The following INTS3 variants were observed in gnomAD, a reference collection of about 807,000 sequenced individuals.
The protein encoded by INTS3 is integrator complex subunit 3, also known as SOSS complex subunit A.
A neutral mutation model predicts 146.3 loss-of-function variants in INTS3; 34 were observed. The ratio of observed to expected loss-of-function variants is 0.23; its 90% CI spans 0.18 to 0.31. The LOEUF is 0.31. Among genes scored for constraint, INTS3 ranks in the 10% least tolerant of loss-of-function variants. The pLI, the probability that INTS3 is intolerant of heterozygous loss-of-function variation, is 1.00. For synonymous variants in INTS3, 475 were observed against 494.9 expected (o/e 0.96, Z 0.53); for missense variants, 757 against 1,304.2 (o/e 0.58, Z 6.46).
In INTS3 at chr1:153,772,313, A is replaced by C; in HGVS notation, c.2721-27A>C. ...CACTCTGGAACCCTCCCACACTCAG[A>C]CTCTGGCTCTGGTGATTCCTGCACA... On this transcript the variant is annotated intron_variant, in intron 26 of 29. Coordinates refer to ENST00000318967, the MANE Select transcript of INTS3 (RefSeq NM_023015.5). This position sits in a 1 kb window ranked among gnomAD's most constrained non-coding sequence, Gnocchi z 4.6. The C allele has an allele frequency of 6.2e-7, 1 of 1,608,720 alleles. No homozygotes were observed. The highest frequency in any genetic ancestry group is 8.5e-7 in the Non-Finnish European group (1 of 1,176,560).
intron 1 of INTS3, among the ~76,000 whole-genome samples, chr1:153,733,072 A>AC (rs1456078129): frequency 6.7e-6 from 1 of 148,214 alleles, no homozygotes; most frequent in Non-Finnish European, 1.5e-5. Context: ...CGAACTCCTG[A>AC]CCTCATGATC....
chr1:153,769,093 G>T (rs974548157), intron 22 of INTS3, 132 bp downstream of exon 22: 4 of 721,774 alleles, frequency 5.5e-6, no homozygotes, highest in African/African-American at 5.3e-5. Context: ...GGCTACAGTG[G>T]TGTGCGCTTT....
chr1:153,731,937 TC>T (rs1247420527), intron 1 of INTS3, among the ~76,000 whole-genome samples: 1 of 114,144 alleles, frequency 8.8e-6, no homozygotes, highest in East Asian at 2.9e-4. Flanking sequence ...AGACAGAGTC[TC>T]CCTCTGTCGC....
chr1:153,761,988 C>T (rs1362360061), intron 14 of INTS3, among the ~76,000 whole-genome samples: 1 of 152,220 alleles, frequency 6.6e-6, no homozygotes, highest in Admixed American at 6.5e-5. Context: ...CTTTAACTTG[C>T]CCATCTCTCT....
intron 24 of INTS3, 59 bp from the exon 25 acceptor site, chr1:153,770,626 C>A (rs976045893): frequency 1.5e-5 from 21 of 1,428,846 alleles, no homozygotes; most frequent in Non-Finnish European, 1.9e-5. Context: ...AGAGAGGTCC[C>A]CAGATTCCAT....
At chr1:153,758,229 G>A (rs998144761) in intron 10 of INTS3, among the ~76,000 whole-genome samples, 2 of 152,178 alleles carry the variant, frequency 1.3e-5, no homozygotes, top group African/African-American at 4.8e-5. Context: ...GCCTAGGGTG[G>A]GAAACTATCC....
In INTS3 at chr1:153,773,305, T is replaced by C; in HGVS notation, c.*35T>C. On this transcript the variant is annotated 3_prime_UTR_variant, in exon 30 of 30. Transcript: ENST00000318967. The stretch of plus-strand genomic sequence containing the variant: ...TTCCCCATCCCACCCCCGGCTGGAC[T>C]GCCCTCTCCTTCTTGGTGATTCAAA... The C allele has an allele frequency of 6.4e-7, 1 of 1,569,442 alleles. No individual in the cohort carries two copies. Among genetic ancestry groups the C allele is most frequent in the Non-Finnish European group, 8.8e-7 (1 of 1,139,254 alleles).
chr1:153,735,572 T>C (rs937959097), intron 1 of INTS3, among the ~76,000 whole-genome samples: 2 of 152,208 alleles, frequency 1.3e-5, no homozygotes, highest in African/African-American at 4.8e-5. Flanking sequence ...AATTTTAGAA[T>C]GCTGTGCCAC....
At chr1:153,731,710 C>T (rs1033399287) in intron 1 of INTS3, among the ~76,000 whole-genome samples, 3 of 144,050 alleles carry the variant, frequency 2.1e-5, no homozygotes, top group Admixed American at 7.0e-5. Flanking sequence ...CTCAGCCTCC[C>T]GAGTAGCTGA....
chr1:153,758,773 G>A (rs1254813124), intron 10 of INTS3, among the ~76,000 whole-genome samples: 2 of 151,036 alleles, frequency 1.3e-5, no homozygotes, highest in Non-Finnish European at 3.0e-5. Context: ...ACTCCAGCCT[G>A]GGTGACAGAG....
At chr1:153,731,088 G>T (rs1382080368) in intron 1 of INTS3, among the ~76,000 whole-genome samples, 1 of 152,124 alleles carries the variant, frequency 6.6e-6, no homozygotes, top group African/African-American at 2.4e-5. Context: ...TGTGTGCTGG[G>T]TCTGATAGGA....
intron 3 of INTS3, among the ~76,000 whole-genome samples, chr1:153,746,342 G>A (rs540382184): frequency 6.6e-6 from 1 of 152,310 alleles, no homozygotes; most frequent in East Asian, 1.9e-4. Context: ...TCCTAAGATG[G>A]GAAGTGGGGG....
chr1:153,764,786 G>A (rs1474601637), intron 19 of INTS3, 52 bp downstream of exon 19: 2 of 1,527,112 alleles, frequency 1.3e-6, no homozygotes, highest in Non-Finnish European at 1.8e-6. Context: ...CTCCCTGACA[G>A]CACACACATG....
Position 153,731,928 on chromosome 1 carries a change from G to T in INTS3, c.150+3144G>T, listed in dbSNP as rs562532568. 8.3e-3 allele frequency among the ~76,000 whole-genome samples: 623 copies of T among 74,978 alleles called. 4 individuals are homozygous for T. Among genetic ancestry groups the T allele is most frequent in the South Asian group, 0.018 (39 of 2,202 alleles). 49.2% of individuals were successfully genotyped at this position (74,978 alleles called of 152,430 possible). A position where few individuals can be genotyped will look rare whatever the true frequency, so the allele number is the denominator to read the frequency against. On this transcript the variant is annotated intron_variant, in intron 1 of 29. Coordinates refer to ENST00000318967, the MANE Select transcript of INTS3 (RefSeq NM_023015.5). ...TTTTTTTTTTTTTTTTTTTTTTTGAGACAGAGTCTCCCTCTGTCGCCCAGG... is the reference window on the plus strand; with the variant it reads ...TTTTTTTTTTTTTTTTTTTTTTTGATACAGAGTCTCCCTCTGTCGCCCAGG...
At position 153,740,693 on chromosome 1, in the gene INTS3, G is replaced by A; in HGVS notation, c.193G>A (p.Gly65Ser). Residue 65 changes from glycine to serine, a missense_variant, in exon 2 of 30, where the codon GGT becomes AGT. Physicochemically the swap from Gly to Ser is moderately conservative, Grantham distance 56. Coordinates refer to ENST00000318967, the MANE Select transcript of INTS3 (RefSeq NM_023015.5). ...CMSIVTSMTA[G>S]VSEREANDAL... is the part of the protein sequence containing the mutation. ...GAGCATTGTGACATCGATGACTGCTGGTGTCTCGGAGAGAGAAGCCAATGA... is the reference window on the plus strand; with the variant it reads ...GAGCATTGTGACATCGATGACTGCTAGTGTCTCGGAGAGAGAAGCCAATGA... 2 of 1,614,088 alleles carry A rather than the reference G, an allele frequency of 1.2e-6. No individual in the cohort carries two copies. Among genetic ancestry groups the A allele is most frequent in the Non-Finnish European group, 1.7e-6 (2 of 1,179,982 alleles).
At position 153,769,894 on chromosome 1, in the gene INTS3, G is replaced by A. The variant is rs200764506; in HGVS notation, c.2389+50G>A. ...CTGGGAGAGGAGAGGAGGGCAGGGT[G>A]TCAGTCCTGTGTATTTTACACTATC... On this transcript the variant is annotated intron_variant, in intron 23 of 29. Coordinates refer to ENST00000318967, the MANE Select transcript of INTS3 (RefSeq NM_023015.5). 9 of 1,284,638 alleles carry A rather than the reference G, an allele frequency of 7.0e-6. No individual in the cohort carries two copies. The East Asian group carries it at 2.1e-4, about 30-fold the overall frequency. 79.6% of individuals were successfully genotyped at this position (1,284,638 alleles called of 1,614,324 possible). A position where few individuals can be genotyped will look rare whatever the true frequency, so the allele number is the denominator to read the frequency against.
At chr1:153,764,426 C>T (rs1035682112) in intron 18 of INTS3, among the ~76,000 whole-genome samples, 10 of 152,240 alleles carry the variant, frequency 6.6e-5, no homozygotes, top group Admixed American at 1.3e-4. Context: ...CCTCCTCATG[C>T]TTCCAGCCCT....
At chr1:153,758,648 A>T (rs1391094689) in intron 10 of INTS3, among the ~76,000 whole-genome samples, 2 of 151,640 alleles carry the variant, frequency 1.3e-5, no homozygotes, top group African/African-American at 4.9e-5. Flanking sequence ...TCTCTACAAA[A>T]AAATACAAAA....
intron 3 of INTS3, among the ~76,000 whole-genome samples, chr1:153,744,880 T>G (rs1175506555): frequency 2.0e-5 from 3 of 152,174 alleles, no homozygotes; most frequent in Admixed American, 2.0e-4. Context: ...TGGTTATTTC[T>G]AACGTTGATA....
Sources: gnomAD v4.1 joint callset for allele counts (sites outside exome capture counted in the v4.1 genomes callset) on GRCh38, gnomAD v4.1.1 for gene constraint, Gnocchi (gnomAD v3.1) non-coding constraint, MANE v1.5 for transcripts, NCBI Gene and HGNC (gene_info 2026-07-23, HGNC 2026-07-21) for gene names.